Variants in ABI2 observed in about 807,000 individuals in gnomAD.
The protein encoded by ABI2 is abelson interactor 2.
A neutral mutation model predicts 59.2 loss-of-function variants in ABI2; 25 were observed. The ratio of observed to expected loss-of-function variants is 0.42; its 90% confidence interval spans 0.31 to 0.59. The LOEUF is 0.59. ABI2 is among the 20% of genes least tolerant of loss of function. The probability of loss-of-function intolerance (pLI) is 0.14; values close to 1 mark genes in which losing one functional copy is unlikely to be tolerated. For missense variants in ABI2, 545 were observed against 681.8 expected (o/e 0.80, Z 2.23); for synonymous variants, 213 against 235.5 (o/e 0.90, Z 0.87).
chr2:203,334,197 T>C (rs1185603736), intron 1 of ABI2, among the ~76,000 whole-genome samples: 2 of 152,138 alleles, frequency 1.3e-5, no homozygotes, highest in Non-Finnish European at 2.9e-5. Context: ...CGCCTTGGCC[T>C]TCCACAGTGC....
chr2:203,394,466 A>C, intron 5 of ABI2: 1 of 484,292 alleles, frequency 2.1e-6, no homozygotes, highest in South Asian at 3.0e-5. Context: ...ATAAATGAAC[A>C]AAATTGCATT....
chr2:203,396,871 T>A lies in ABI2; in HGVS notation c.937T>A (p.Ser313Thr). ...APLVPATVPS[S>T]TAPDAAAGGA... ...TCTTGTTCCTGCTACTGTCCCTTCC[T>A]CCACTGCCCCAGACGCTGCTGCTGG... is the stretch of plus-strand genomic sequence containing the variant. Residue 313 changes from serine to threonine, a missense_variant, in exon 8 of 12, where the codon TCC becomes ACC. Physicochemically the swap from Ser to Thr is moderately conservative, Grantham distance 58. Coordinates refer to ENST00000261018, the MANE Select transcript of ABI2 (RefSeq NM_001375670.1). 1 of 1,534,996 alleles carries A rather than the reference T, an allele frequency of 6.5e-7. No homozygotes were observed. The highest frequency in any genetic ancestry group is 1.2e-5 in the South Asian group (1 of 83,856).
At chr2:203,381,041 G>A (rs2096084857) in intron 3 of ABI2, among the ~76,000 whole-genome samples, 1 of 152,146 alleles carries the variant, frequency 6.6e-6, no homozygotes, top group Non-Finnish European at 1.5e-5. Flanking sequence ...TTGAAAGACA[G>A]TGACTTATCA....
intron 1 of ABI2, among the ~76,000 whole-genome samples, chr2:203,331,108 C>G (rs1181053959): frequency 6.6e-6 from 1 of 151,980 alleles, no homozygotes; most frequent in Admixed American, 6.6e-5. Context: ...TACACTTTCT[C>G]TTTTTTGATT....
At chr2:203,372,536 G>T (rs2095323680) in intron 2 of ABI2, among the ~76,000 whole-genome samples, 1 of 150,612 alleles carries the variant, frequency 6.6e-6, no homozygotes, top group South Asian at 2.1e-4. Flanking sequence ...CTCCCAGACG[G>T]GGCGGCTGGC....
At chr2:203,358,816 CCTGA>C (rs1466440863) in intron 1 of ABI2, among the ~76,000 whole-genome samples, 2 of 152,154 alleles carry the variant, frequency 1.3e-5, no homozygotes, top group African/African-American at 4.8e-5. Flanking sequence ...TTGAGACCAG[CCTGA>C]CTAACATGGC....
At chr2:203,353,450 A>G (rs1041088892) in intron 1 of ABI2, among the ~76,000 whole-genome samples, 6 of 152,110 alleles carry the variant, frequency 3.9e-5, no homozygotes, top group Admixed American at 3.3e-4. Context: ...TTTACCTCTA[A>G]TTTCCCTCTG....
chr2:203,376,733 C>CTTTTTTT (rs370295013), intron 2 of ABI2, among the ~76,000 whole-genome samples: 1 of 114,896 alleles, frequency 8.7e-6, no homozygotes, highest in African/African-American at 3.2e-5. Flanking sequence ...TTGGTCTTCC[C>CTTTTTTT]TTTTTTTTTT....
At chr2:203,390,996 G>T (rs1394318253) in intron 4 of ABI2, 50 bp from the exon 5 acceptor site, 1 of 1,437,072 alleles carries the variant, frequency 7.0e-7, no homozygotes, top group East Asian at 2.3e-5. Context: ...TCCCAAAAGT[G>T]CCACTTTATT....
chr2:203,368,901 C>T (rs939953106), intron 2 of ABI2, among the ~76,000 whole-genome samples: 2 of 150,512 alleles, frequency 1.3e-5, no homozygotes, highest in East Asian at 1.9e-4. Flanking sequence ...ACTGCAACCT[C>T]GAACTCCTGG....
At chr2:203,392,335 A>G (rs1212071230) in intron 5 of ABI2, among the ~76,000 whole-genome samples, 1 of 145,086 alleles carries the variant, frequency 6.9e-6, no homozygotes, top group African/African-American at 2.5e-5. Flanking sequence ...AACAACAACA[A>G]CAACAACAAA....
chr2:203,419,428 G>C (rs1449286687), intron 11 of ABI2, among the ~76,000 whole-genome samples: 1 of 150,664 alleles, frequency 6.6e-6, no homozygotes. Context: ...GAGTGCAGTG[G>C]TGTGATCCTG....
At chr2:203,412,284 G>A (rs1029004182) in intron 10 of ABI2, among the ~76,000 whole-genome samples, 1 of 152,152 alleles carries the variant, frequency 6.6e-6, no homozygotes, top group African/African-American at 2.4e-5. Context: ...TTGCTTGCTA[G>A]CTGTTTCCCC....
rs989040131 is a variant in ABI2 at position 203,429,056 on chromosome 2, C to T, written c.*1704C>T. 4 of 152,102 alleles carry T rather than the reference C, an allele frequency of 2.6e-5. No individual in the cohort carries two copies. Among genetic ancestry groups the T allele is most frequent in the African/African-American group, 7.2e-5 (3 of 41,434 alleles). The allele number at this position is 152,102 out of a possible 1,614,324, so 9.4% of individuals were successfully genotyped here. ...AAAATCATCAGCATTTAACTGAGAC[C>T]CCACTATAGAGTTTCCTTATCAAGA... On this transcript the variant is annotated 3_prime_UTR_variant, in exon 12 of 12. Transcript: ENST00000261018.
chr2:203,384,180 G>T (rs1431687412), intron 4 of ABI2, among the ~76,000 whole-genome samples: 1 of 151,946 alleles, frequency 6.6e-6, no homozygotes, highest in Non-Finnish European at 1.5e-5. Context: ...GACGTACAAG[G>T]TCAGTGGATA....
At chr2:203,371,086 G>A (rs924444711) in intron 2 of ABI2, among the ~76,000 whole-genome samples, 2 of 152,152 alleles carry the variant, frequency 1.3e-5, no homozygotes, top group African/African-American at 4.8e-5. Flanking sequence ...TCATCTGTAA[G>A]GTAGGACTGT....
intron 1 of ABI2, among the ~76,000 whole-genome samples, chr2:203,333,906 T>C (rs1202108997): frequency 6.6e-6 from 1 of 152,056 alleles, no homozygotes; most frequent in African/African-American, 2.4e-5. Context: ...AATTAATTAA[T>C]AAACTGTTCA....
chr2:203,344,033 T>G (rs1329311039), intron 1 of ABI2, among the ~76,000 whole-genome samples: 2 of 152,152 alleles, frequency 1.3e-5, no homozygotes, highest in Non-Finnish European at 2.9e-5. Flanking sequence ...GTTGGGAGGC[T>G]GAGGTGGGAG....
At chr2:203,388,646 A>C (rs2096625790) in intron 4 of ABI2, among the ~76,000 whole-genome samples, 1 of 152,046 alleles carries the variant, frequency 6.6e-6, no homozygotes, top group Non-Finnish European at 1.5e-5. Flanking sequence ...AGGCCATTGC[A>C]CTCCAGCCTG....
Sources: gnomAD v4.1 joint callset for allele counts (sites outside exome capture counted in the v4.1 genomes callset) on GRCh38, gnomAD v4.1.1 for gene constraint, MANE v1.5 for transcripts, NCBI Gene and HGNC (gene_info 2026-07-23, HGNC 2026-07-21) for gene names.